Variants in ACAN observed in about 807,000 individuals in gnomAD.
The protein encoded by ACAN is aggrecan.
Under a neutral mutation model 169.1 loss-of-function variants are expected in ACAN, and 47 were observed. The ratio of observed to expected loss-of-function variants is 0.28; its 90% CI spans 0.22 to 0.35. The LOEUF is 0.35. Ranked by LOEUF, ACAN falls within the 10% of genes least tolerant of loss-of-function variation. The pLI, the probability that ACAN is intolerant of heterozygous loss-of-function variation, is 1.00. For missense variants in ACAN, 2,716 were observed against 2,759.9 expected (o/e 0.98, Z 0.36); for synonymous variants, 1,115 against 1,112.2 (o/e 1.00, Z -0.05).
In ACAN at chr15:88,860,331, G is replaced by T. The variant is rs531336434; in HGVS notation, c.6838G>T (p.Ala2280Ser). 5 of 1,609,076 alleles carry T rather than the reference G, an allele frequency of 3.1e-6. No individual in the cohort carries two copies. In the East Asian group the frequency reaches 8.9e-5, roughly 29 times the overall value. ...CTCTCCCCTGGGGGTTGCAGCCCCC[G>T]CCAGGTCCTGTGCAGAGGAGCCCTG... is the stretch of plus-strand genomic sequence containing the variant. The part of the protein sequence containing the change: ...RESESTAAAP[A>S]RSCAEEPCGA... The change falls in exon 13 of 19, where the codon GCC becomes TCC. Residue 2280 changes from alanine to serine, a missense_variant. By Grantham distance (99) the Ala-to-Ser change is moderately conservative (BLOSUM62 1). Around this residue, in one of 3 missense-constraint regions of ACAN, gnomAD observed 1,389 missense variants for 1,363.7 expected, o/e 1.02. Coordinates refer to ENST00000560601, the MANE Select transcript of ACAN (RefSeq NM_001369268.1).
rs542264980 is a variant in ACAN at position 88,839,700 on chromosome 15, G to A, written c.455-312G>A. Among the ~76,000 whole-genome samples, 139 of 152,260 alleles carry A rather than the reference G, an allele frequency of 9.1e-4. No individual in the cohort carries two copies. The highest frequency in any genetic ancestry group is 1.8e-3 in the Non-Finnish European group (121 of 68,022). On this transcript the variant is annotated intron_variant, in intron 3 of 18. Transcript: ENST00000560601. The surrounding 1 kb of genome is among the most constrained non-coding windows in gnomAD (Gnocchi z 4.5). ...TGTCTGTTTCTCTTAATGCAATATG[G>A]GGGTCTTGGAGTGATAAGAAAAAAT...
rs1477799372 is a variant in ACAN, at chr15:88,849,212, G to A, written c.1733-226G>A. Among the ~76,000 whole-genome samples the A allele has an allele frequency of 6.6e-6, 1 of 152,220 alleles. No homozygotes were observed. Among genetic ancestry groups the A allele is most frequent in the African/African-American group, 2.4e-5 (1 of 41,456 alleles). The stretch of plus-strand genomic sequence containing the variant: ...AATTTTGCCTTTTTTGGCACCGAAA[G>A]TCCTATGTACCGGGAAACCCCAGTC... On this transcript the variant is annotated intron_variant, in intron 9 of 18. Transcript: ENST00000560601. The surrounding 1 kb of genome is among the most constrained non-coding windows in gnomAD (Gnocchi z 5.1).
chr15:88,849,680 C>G lies in ACAN; in HGVS notation c.1975C>G (p.Gln659Glu), dbSNP rs181923062. 132 of 1,613,872 alleles carry G rather than the reference C, an allele frequency of 8.2e-5. No homozygotes were observed. In the East Asian group the frequency reaches 1.4e-3, roughly 17 times the overall value. Reference protein sequence around the residue: ...GVRTVYLYPNQTGLPDPLSRH... With the variant: ...GVRTVYLYPNETGLPDPLSRH... ...GAGAACGGTCTACCTCTACCCTAAC[C>G]AGACGGGCCTCCCAGACCCACTGTC... The change falls in exon 10 of 19, where the codon CAG (glutamine) becomes GAG (glutamate). Residue 659 changes from glutamine (Q) to glutamate (E), a missense_variant. Physicochemically the swap from Gln to Glu is conservative, Grantham distance 29. Transcript: ENST00000560601. This position sits in a 1 kb window ranked among gnomAD's most constrained non-coding sequence, Gnocchi z 5.1.
chr15:88,838,668 G>A lies in ACAN; in HGVS notation c.76G>A (p.Asp26Asn). Residue 26 changes from aspartate (D) to asparagine (N), a missense_variant, in exon 3 of 19, where the codon GAC (aspartate) becomes AAC (asparagine). Coordinates refer to ENST00000560601, the MANE Select transcript of ACAN (RefSeq NM_001369268.1). The surrounding 1 kb of genome is among the most constrained non-coding windows in gnomAD (Gnocchi z 5.1). ...ACCCCACCTCTCCCACACAGACCAT[G>A]ACAACTCGCTGAGTGTCAGCATCCC... The part of the protein sequence containing the change: ...AAVTVETSDH[D>N]NSLSVSIPQP... 6.3e-7 allele frequency: 1 copy of A among 1,580,104 alleles called. No individual in the cohort carries two copies. The highest frequency in any genetic ancestry group is 2.2e-5 in the East Asian group (1 of 44,658).
Position 88,836,180 on chromosome 15 carries a change from CT to C in ACAN, c.-7-19del. ...CATGCCTTCACTGTCTAAATAACGC[CT>C]CTGCCTCCCCTCTTCCAGGTGAACT... On this transcript the variant is annotated intron_variant, in intron 1 of 18. Coordinates refer to ENST00000560601, the MANE Select transcript of ACAN (RefSeq NM_001369268.1). The C allele has an allele frequency of 6.3e-7, 1 of 1,598,926 alleles. No individual in the cohort carries two copies. Among genetic ancestry groups the C allele is most frequent in the Non-Finnish European group, 8.6e-7 (1 of 1,167,032 alleles).
At chr15:88,852,930 C>T (rs1183277889) in intron 11 of ACAN, among the ~76,000 whole-genome samples, 1 of 152,234 alleles carries the variant, frequency 6.6e-6, no homozygotes, top group African/African-American at 2.4e-5. Flanking sequence ...TCCAGCTATG[C>T]ATCAGCATTC....
In ACAN at chr15:88,849,350, G is replaced by C; in HGVS notation, c.1733-88G>C. 1.5e-6 allele frequency: 2 copies of C among 1,322,738 alleles called. No individual in the cohort carries two copies. Among genetic ancestry groups the C allele is most frequent in the South Asian group, 3.1e-5 (2 of 65,558 alleles). 81.9% of individuals were successfully genotyped at this position (1,322,738 alleles called of 1,614,324 possible). A position where few individuals can be genotyped will look rare whatever the true frequency, so the allele number is the denominator to read the frequency against. On this transcript the variant is annotated intron_variant, in intron 9 of 18. Coordinates refer to ENST00000560601, the MANE Select transcript of ACAN (RefSeq NM_001369268.1). The surrounding 1 kb of genome is among the most constrained non-coding windows in gnomAD (Gnocchi z 5.1). ...GCTGGGTCTTAGCCCTGGTGAGGAG[G>C]GTTAGAGGAACTCTGTCCTGGGTGG...
chr15:88,857,190 A>G lies in ACAN; in HGVS notation c.4605A>G (p.Leu1535=), dbSNP rs763850047. Residue 1535 remains leucine (L), a synonymous_variant, in exon 12 of 19, where the codon CTA becomes CTG. Coordinates refer to ENST00000560601, the MANE Select transcript of ACAN (RefSeq NM_001369268.1). ...LSRLPSGEEV[L]EISASGFGDL... ...GGCTCCCTTCTGGAGAAGAAGTTCT[A>G]GAGATTTCTGCCTCTGGATTTGGGG... 3 of 1,611,980 alleles carry G rather than the reference A, an allele frequency of 1.9e-6. No homozygotes were observed. The highest frequency in any genetic ancestry group is 2.2e-5 in the East Asian group (1 of 44,878).
At position 88,870,721 on chromosome 15, in the gene ACAN, C is replaced by A. The variant is rs1321316503; in HGVS notation, c.7061-661C>A. ...CTCCTCCCCTCTTCCCATTCACCCC[C>A]AAAATAAAAAGCCAGGGCCCCTGGA... On this transcript the variant is annotated intron_variant, in intron 14 of 18. Transcript: ENST00000560601. This position sits in a 1 kb window ranked among gnomAD's most constrained non-coding sequence, Gnocchi z 6.3. 6.6e-6 allele frequency among the ~76,000 whole-genome samples: 1 copy of A among 152,122 alleles called. No homozygotes were observed. Among genetic ancestry groups the A allele is most frequent in the Non-Finnish European group, 1.5e-5 (1 of 68,006 alleles).
chr15:88,808,760 C>T (rs1179083551), intron 1 of ACAN, among the ~76,000 whole-genome samples: 1 of 152,204 alleles, frequency 6.6e-6, no homozygotes, highest in Non-Finnish European at 1.5e-5. Context: ...AGTCCCAAGG[C>T]TGAGACACCC....
In ACAN at chr15:88,872,771, T is replaced by G. The variant is rs16942409; in HGVS notation, c.7303-110T>G. ...TGCTATCAGATGAGCCTGAAGTTGG[T>G]GCTAAAAGAGAAAGGAGATGATGAA... On this transcript the variant is annotated intron_variant, in intron 16 of 18. Coordinates refer to ENST00000560601, the MANE Select transcript of ACAN (RefSeq NM_001369268.1). This position sits in a 1 kb window ranked among gnomAD's most constrained non-coding sequence, Gnocchi z 5.4. 0.27 allele frequency: 356,830 copies of G among 1,331,776 alleles called. 56,678 individuals are homozygous for G. Among genetic ancestry groups the G allele is most frequent in the African/African-American group, 0.73 (49,522 of 68,166 alleles). 82.5% of individuals were successfully genotyped at this position (1,331,776 alleles called of 1,614,324 possible). A position where few individuals can be genotyped will look rare whatever the true frequency, so the allele number is the denominator to read the frequency against.
chr15:88,838,864 A>C lies in ACAN; in HGVS notation c.272A>C (p.Glu91Ala). 6.2e-7 allele frequency: 1 copy of C among 1,614,036 alleles called. No homozygotes were observed. Among genetic ancestry groups the C allele is most frequent in the Non-Finnish European group, 8.5e-7 (1 of 1,179,896 alleles). ...GAGGTAGTGCTGCTGGTGGCCACTGAAGGGCGCGTGCGGGTCAACAGTGCC... is the reference window on the plus strand; with the variant it reads ...GAGGTAGTGCTGCTGGTGGCCACTGCAGGGCGCGTGCGGGTCAACAGTGCC... ...EKEVVLLVATEGRVRVNSAYQ... is the reference protein window; with the variant it reads ...EKEVVLLVATAGRVRVNSAYQ... The change falls in exon 3 of 19, where the codon GAA becomes GCA. Residue 91 changes from glutamate (E) to alanine (A), a missense_variant. Around this residue, in one of 3 missense-constraint regions of ACAN, gnomAD observed 1,283 missense variants for 1,281.5 expected, o/e 1.00. Coordinates refer to ENST00000560601, the MANE Select transcript of ACAN (RefSeq NM_001369268.1). This position sits in a 1 kb window ranked among gnomAD's most constrained non-coding sequence, Gnocchi z 5.1.
At chr15:88,817,880 GA>G (rs1895981731) in intron 1 of ACAN, among the ~76,000 whole-genome samples, 1 of 147,882 alleles carries the variant, frequency 6.8e-6, no homozygotes. Flanking sequence ...GAAAGAAAGG[GA>G]AAAGGAAAAA....
chr15:88,817,696 A>G (rs1373831928), intron 1 of ACAN, among the ~76,000 whole-genome samples: 1 of 152,000 alleles, frequency 6.6e-6, no homozygotes, highest in Non-Finnish European at 1.5e-5. Context: ...TCTACAAAAA[A>G]TACAAAAATT....
rs1471289774 is a variant in ACAN at position 88,869,743 on chromosome 15, G to C, written c.7060+1414G>C. Among the ~76,000 whole-genome samples, 4 of 152,318 alleles carry C rather than the reference G, an allele frequency of 2.6e-5. No homozygotes were observed. The highest frequency in any genetic ancestry group is 1.9e-4 in the East Asian group (1 of 5,178). Reference sequence around the variant, plus strand: ...CCACCCAGCTCGGCCCTGGGCCTGGGGGCCCAGCTAAGCAGGGCTGCATCT... The same window carrying C: ...CCACCCAGCTCGGCCCTGGGCCTGGCGGCCCAGCTAAGCAGGGCTGCATCT... On this transcript the variant is annotated intron_variant, in intron 14 of 18. Coordinates refer to ENST00000560601, the MANE Select transcript of ACAN (RefSeq NM_001369268.1). The surrounding 1 kb of genome is among the most constrained non-coding windows in gnomAD (Gnocchi z 4.2).
At chr15:88,840,246 C>T (rs964922066) in intron 4 of ACAN, 60 bp downstream of exon 4, 50 of 1,494,640 alleles carry the variant, frequency 3.3e-5, no homozygotes, top group African/African-American at 2.3e-4. Flanking sequence ...GGGAGTGGGG[C>T]GGGTGCTGGG....
At chr15:88,842,571 T>G (rs1896691671) in intron 5 of ACAN, among the ~76,000 whole-genome samples, 1 of 148,138 alleles carries the variant, frequency 6.8e-6, no homozygotes, top group Admixed American at 6.6e-5. Flanking sequence ...GGAGAAGAGC[T>G]GACAACTGGC....
In ACAN at chr15:88,852,025, C is replaced by A; in HGVS notation, c.2258C>A (p.Pro753Gln). 6.2e-7 allele frequency: 1 copy of A among 1,600,752 alleles called. No individual in the cohort carries two copies. The highest frequency in any genetic ancestry group is 8.5e-7 in the Non-Finnish European group (1 of 1,173,750). Reference sequence around the variant, plus strand: ...GCCTATACCCCAGTGGGCACATCCCCGCTGCCAGGTTGGTATGGCTTGGGT... The same window carrying A: ...GCCTATACCCCAGTGGGCACATCCCAGCTGCCAGGTTGGTATGGCTTGGGT... Reference protein sequence around the residue: ...EPAYTPVGTSPLPGILPTWPP... With the variant: ...EPAYTPVGTSQLPGILPTWPP... Residue 753 changes from proline (P) to glutamine (Q), a missense_variant, in exon 11 of 19, where the codon CCG (proline) becomes CAG (glutamine). This residue lies in a region of ACAN where 1,283 missense variants were observed against 1,281.5 expected (regional missense o/e 1.00). Transcript: ENST00000560601.
Position 88,857,458 on chromosome 15 carries a change from C to T in ACAN, c.4873C>T (p.Leu1625Phe). The change falls in exon 12 of 19, where the codon CTT becomes TTT. Residue 1625 changes from leucine (L) to phenylalanine (F), a missense_variant. By Grantham distance (22) the Leu-to-Phe change is conservative. This residue lies in a region of ACAN where 1,389 missense variants were observed against 1,363.7 expected (regional missense o/e 1.02). Coordinates refer to ENST00000560601, the MANE Select transcript of ACAN (RefSeq NM_001369268.1). ...TGGGCAAGCTCCAGAAACAAGTGGT[C>T]TTCCCTCTGGATTTAGTGGTGAGTA... ...GSGQAPETSG[L>F]PSGFSGEYSG... 3.1e-6 allele frequency: 5 copies of T among 1,613,944 alleles called. No individual in the cohort carries two copies. Among genetic ancestry groups the T allele is most frequent in the Non-Finnish European group, 4.2e-6 (5 of 1,179,900 alleles).
Sources: allele counts gnomAD v4.1 joint callset (sites outside exome capture counted in the v4.1 genomes callset), GRCh38; gene constraint gnomAD v4.1.1; regional missense constraint gnomAD v4.1.1; non-coding constraint Gnocchi (gnomAD v3.1); transcripts MANE v1.5; gene names NCBI Gene and HGNC (gene_info 2026-07-23, HGNC 2026-07-21).